SLC41A3: variants seen among roughly 807,000 people sequenced by gnomAD.
SLC41A3 encodes the protein SLC41A1-like 2.
Under a neutral mutation model 45.4 loss-of-function variants are expected in SLC41A3, and 44 were observed. The observed-to-expected ratio is 0.97, with a 90% CI of 0.76 to 1.25. SLC41A3 has a LOEUF of 1.25. Ranked by LOEUF, SLC41A3 falls within the 50% of genes most tolerant of loss-of-function variation. The pLI is 0.00. For synonymous variants in SLC41A3, 256 were observed against 252.4 expected, an observed-to-expected ratio of 1.01 and a Z score of -0.13; for missense variants, 550 against 600.6, an observed-to-expected ratio of 0.92 and a Z score of 0.88.
intron 2 of SLC41A3, among the ~76,000 whole-genome samples, chr3:126,064,146 G>A (rs530075280): frequency 2.6e-5 from 4 of 152,142 alleles, no homozygotes; most frequent in African/African-American, 7.2e-5. Flanking sequence ...GGGGTCAATG[G>A]TGGGGTAAGG....
intron 10 of SLC41A3, 86 bp downstream of exon 10, chr3:126,008,646 T>A: frequency 2.3e-5 from 35 of 1,517,714 alleles, no homozygotes; most frequent in African/African-American, 1.5e-4. Context: ...CCCACCCGCC[T>A]CCCTCAGCCT....
upstream of SLC41A3, chr3:126,084,294 G>C (rs902792120): frequency 2.0e-5 from 3 of 152,120 alleles, no homozygotes; most frequent in Admixed American, 6.5e-5. Flanking sequence ...GGCCCGGGGG[G>C]CTGGGAGCCG....
At chr3:126,010,199 C>A (rs1272816063) in intron 9 of SLC41A3, among the ~76,000 whole-genome samples, 1 of 152,228 alleles carries the variant, frequency 6.6e-6, no homozygotes, top group African/African-American at 2.4e-5. Flanking sequence ...ATAGGCTAGG[C>A]GCTGTGGCTC....
intron 1 of SLC41A3, among the ~76,000 whole-genome samples, chr3:126,099,910 C>T (rs1344130512): frequency 6.6e-6 from 1 of 152,174 alleles, no homozygotes; most frequent in Non-Finnish European, 1.5e-5. Flanking sequence ...TACTCATGTC[C>T]ACTGTGGGTT....
intron 6 of SLC41A3, among the ~76,000 whole-genome samples, chr3:126,021,171 GGC>G (rs1340347466): frequency 2.0e-5 from 3 of 152,212 alleles, no homozygotes; most frequent in Non-Finnish European, 2.9e-5. Context: ...TGGGATTACA[GGC>G]GTGAGCCACC....
chr3:126,088,690 G>A (rs1317591467), upstream of SLC41A3, among the ~76,000 whole-genome samples: 2 of 152,066 alleles, frequency 1.3e-5, no homozygotes, highest in Non-Finnish European at 2.9e-5. Flanking sequence ...AGTCAATGTG[G>A]GGGAAGGGCA....
intron 1 of SLC41A3, chr3:126,095,164 A>G: frequency 3.0e-6 from 2 of 662,916 alleles, no homozygotes; most frequent in Non-Finnish European, 2.7e-6. Context: ...AACTTGGGGT[A>G]GAGGTTATGC....
chr3:126,045,747 T>A (rs1428445505), intron 3 of SLC41A3, among the ~76,000 whole-genome samples: 2 of 151,996 alleles, frequency 1.3e-5, no homozygotes, highest in Non-Finnish European at 2.9e-5. Context: ...GAGGGAGAAA[T>A]ACTTCCAAAT....
Position 126,044,895 on chromosome 3 carries a change from C to CA in SLC41A3, c.381+6047dup, listed in dbSNP as rs57581225. ...TGGGCGACAGAGCGAGACTCCATCT[C>CA]AAAAAAAAAAAAAAAAAAAAAAAAA... On this transcript the variant is annotated intron_variant, in intron 3 of 10. Transcript: ENST00000360370. Among the ~76,000 whole-genome samples the CA allele has an allele frequency of 3.8e-3, 317 of 82,708 alleles. 52 individuals carry two copies. Among genetic ancestry groups the CA allele is most frequent in the African/African-American group, 0.017 (286 of 16,558 alleles). 54.3% of individuals were successfully genotyped at this position (82,708 alleles called of 152,430 possible).
Position 126,062,939 on chromosome 3 carries a change from T to C in SLC41A3, c.273+5008A>G, listed in dbSNP as rs565281029. Among the ~76,000 whole-genome samples the C allele has an allele frequency of 8.5e-5, 13 of 152,260 alleles. No individual in the cohort carries two copies. In the East Asian group the frequency reaches 2.5e-3, roughly 29 times the overall value. On this transcript the variant is annotated intron_variant, in intron 2 of 10. Transcript: ENST00000360370. Reference sequence around the variant, plus strand: ...AACGCCTTCATGGAAGAGAGGGGCATTAGCAACCTCCCCTCAAGCCCTGGA... The same window carrying C: ...AACGCCTTCATGGAAGAGAGGGGCACTAGCAACCTCCCCTCAAGCCCTGGA...
chr3:126,076,105 ATATAAAG>A (rs1944868960), intron 1 of SLC41A3, among the ~76,000 whole-genome samples: 1 of 152,260 alleles, frequency 6.6e-6, no homozygotes, highest in Non-Finnish European at 1.5e-5. Flanking sequence ...TATCCCAAAT[ATATAAAG>A]AATACTTACA....
At chr3:126,093,522 C>G (rs1323107731) in intron 1 of SLC41A3, among the ~76,000 whole-genome samples, 1 of 152,234 alleles carries the variant, frequency 6.6e-6, no homozygotes, top group East Asian at 1.9e-4. Flanking sequence ...CCTGGGGAAC[C>G]CCCACAAAAG....
At chr3:126,022,689 G>A (rs1559820623) in intron 6 of SLC41A3, 97 bp downstream of exon 6, 27 of 1,446,740 alleles carry the variant, frequency 1.9e-5, no homozygotes, top group Non-Finnish European at 2.3e-5. Flanking sequence ...CAGCACATGG[G>A]CTGGGTGCAA....
chr3:126,047,391 T>C lies in SLC41A3; in HGVS notation c.381+3552A>G, dbSNP rs544900828. Among the ~76,000 whole-genome samples, 6 of 152,276 alleles carry C rather than the reference T, an allele frequency of 3.9e-5. No homozygotes were observed. The South Asian group carries it at 1.0e-3, about 26-fold the overall frequency. ...AAACAAACAAGAACTAAATGCTGTA[T>C]TTTGATGAAACAGAAAAATACATTT... On this transcript the variant is annotated intron_variant, in intron 3 of 10. Coordinates refer to ENST00000360370, the MANE Select transcript of SLC41A3 (RefSeq NM_017836.4).
chr3:126,063,735 C>CG (rs1383823962), intron 2 of SLC41A3, among the ~76,000 whole-genome samples: 1 of 152,208 alleles, frequency 6.6e-6, no homozygotes, highest in African/African-American at 2.4e-5. Flanking sequence ...ACATGGCCGA[C>CG]GGTGGCCAAG....
chr3:126,043,869 T>C (rs1165407621), intron 3 of SLC41A3, among the ~76,000 whole-genome samples: 2 of 128,128 alleles, frequency 1.6e-5, no homozygotes, highest in African/African-American at 2.9e-5. Flanking sequence ...AGGGAAGAAA[T>C]AAGAGACAAA....
rs4234270 is a variant in SLC41A3 at position 126,068,036 on chromosome 3, T to A, written c.184A>T (p.Thr62Ser). 2 of 1,613,958 alleles carry A rather than the reference T, an allele frequency of 1.2e-6. No individual in the cohort carries two copies. Among genetic ancestry groups the A allele is most frequent in the South Asian group, 2.2e-5 (2 of 91,056 alleles). ...GTCACCTGAAGGCCTATGGACCAGG[T>A]GGTCTCCCTGCTAGGCTCAGTCTCC... ...PLETEPSRET[T>S]WSIGLQVTVP... Residue 62 changes from threonine (T) to serine (S), a missense_variant, in exon 2 of 11, where the codon ACC (threonine) becomes TCC (serine). Transcript: ENST00000360370.
intron 2 of SLC41A3, chr3:126,056,234 G>T: frequency 1.6e-6 from 2 of 1,251,272 alleles, no homozygotes; most frequent in Non-Finnish European, 2.2e-6. Context: ...AGCAGCAAGG[G>T]CAGGTTGAGG....
At chr3:126,043,567 T>C (rs186849559) in intron 3 of SLC41A3, among the ~76,000 whole-genome samples, 58 of 152,088 alleles carry the variant, frequency 3.8e-4, no homozygotes, top group Admixed American at 7.2e-4. Flanking sequence ...CATAAAAATA[T>C]ATATTTAATA....
Sources: gnomAD v4.1 joint callset for allele counts (sites outside exome capture counted in the v4.1 genomes callset) on GRCh38, gnomAD v4.1.1 for gene constraint, MANE v1.5 for transcripts, NCBI Gene and HGNC (gene_info 2026-07-23, HGNC 2026-07-21) for gene names.